Variants in ST7 observed in about 807,000 individuals in gnomAD.
ST7 encodes suppressor of tumorigenicity 7 protein.
In ST7, 28 loss-of-function variants were observed where a neutral mutation model predicts 78.7. The ratio of observed to expected loss-of-function variants is 0.36; its 90% confidence interval spans 0.26 to 0.49. ST7 has a LOEUF of 0.49. Among genes scored for constraint, ST7 ranks in the 20% least tolerant of loss-of-function variants. The pLI is 0.99. For missense variants in ST7, 418 were observed against 696.0 expected (o/e 0.60, Z 4.49); for synonymous variants, 247 against 249.6 (o/e 0.99, Z 0.10).
At chr7:117,188,725 A>G (rs1000785893) in intron 10 of ST7, among the ~76,000 whole-genome samples, 11 of 152,080 alleles carry the variant, frequency 7.2e-5, no homozygotes, top group Non-Finnish European at 1.5e-4. Context: ...TTTCATACAT[A>G]TACCCTTTAA....
intron 1 of ST7, chr7:116,972,675 T>G (rs751291980): frequency 1.7e-5 from 18 of 1,051,314 alleles, no homozygotes; most frequent in Non-Finnish European, 2.7e-5. Context: ...TTTTTTCCGC[T>G]TCTTCCAGCT....
intron 9 of ST7, among the ~76,000 whole-genome samples, chr7:117,159,524 T>C (rs1806965172): frequency 6.6e-6 from 1 of 152,222 alleles, no homozygotes. Context: ...CTATGCTAGA[T>C]AGTGAGCATG....
At chr7:117,038,627 C>CA (rs1797028356) in intron 1 of ST7, among the ~76,000 whole-genome samples, 1 of 152,142 alleles carries the variant, frequency 6.6e-6, no homozygotes, top group Admixed American at 6.5e-5. Flanking sequence ...ATGCTTAGTA[C>CA]AGTGCTCCAC....
intron 10 of ST7, among the ~76,000 whole-genome samples, chr7:117,188,593 G>A (rs1809474875): frequency 6.6e-6 from 1 of 152,000 alleles, no homozygotes; most frequent in Non-Finnish European, 1.5e-5. Flanking sequence ...CACCCACCCT[G>A]GCCCTTCTGA....
intron 15 of ST7, chr7:117,222,932 T>C (rs775270704): frequency 3.7e-6 from 6 of 1,614,000 alleles, no homozygotes; most frequent in Non-Finnish European, 4.2e-6. Context: ...GTGTTGAAGA[T>C]GAACTGGAAA....
intron 1 of ST7, among the ~76,000 whole-genome samples, chr7:117,069,564 A>C (rs958435894): frequency 6.6e-6 from 1 of 152,232 alleles, no homozygotes; most frequent in Admixed American, 6.5e-5. Flanking sequence ...GATGTCTAGC[A>C]AGAGACAATA....
At chr7:116,996,920 C>T (rs1047367663) in intron 1 of ST7, among the ~76,000 whole-genome samples, 3 of 152,184 alleles carry the variant, frequency 2.0e-5, no homozygotes, top group African/African-American at 4.8e-5. Flanking sequence ...ATCCCATACC[C>T]TATGACCTTC....
intron 1 of ST7, among the ~76,000 whole-genome samples, chr7:116,994,369 A>G (rs1050545835): frequency 6.6e-6 from 1 of 152,244 alleles, no homozygotes; most frequent in African/African-American, 2.4e-5. Flanking sequence ...TTAATAAATA[A>G]AAAATACTTC....
intron 12 of ST7, among the ~76,000 whole-genome samples, chr7:117,191,286 ATGT>A (rs966917291): frequency 6.6e-6 from 1 of 152,184 alleles, no homozygotes; most frequent in African/African-American, 2.4e-5. Context: ...CAGGAAATAA[ATGT>A]TGTTGTGAAT....
intron 1 of ST7, among the ~76,000 whole-genome samples, chr7:117,092,196 G>A (rs1190842581): frequency 1.4e-5 from 2 of 148,102 alleles, no homozygotes; most frequent in East Asian, 2.0e-4. Context: ...GGAGAATGGC[G>A]TGAACCCGGG....
intron 9 of ST7, among the ~76,000 whole-genome samples, chr7:117,170,253 C>A (rs1807887323): frequency 6.6e-6 from 1 of 152,058 alleles, no homozygotes; most frequent in African/African-American, 2.4e-5. Flanking sequence ...TTTATGAAAA[C>A]CTGTCTTTGA....
intron 15 of ST7, among the ~76,000 whole-genome samples, chr7:117,224,711 C>A (rs1793327720): frequency 6.6e-6 from 1 of 152,126 alleles, no homozygotes; most frequent in Non-Finnish European, 1.5e-5. Flanking sequence ...ACCAGAAATC[C>A]AAAATCTTGA....
chr7:117,189,892 C>A (rs1489419353), intron 11 of ST7, among the ~76,000 whole-genome samples: 1 of 152,116 alleles, frequency 6.6e-6, no homozygotes, highest in East Asian at 1.9e-4. Flanking sequence ...TTTGTTCAGG[C>A]AGGTGACTAT....
rs185492060 is a variant in ST7 at position 117,219,012 on chromosome 7, C to T, written c.1406-72C>T. 4.8e-5 allele frequency: 59 copies of T among 1,239,834 alleles called. No individual in the cohort carries two copies. Among genetic ancestry groups the T allele is most frequent in the Middle Eastern group, 2.4e-4 (1 of 4,172 alleles). 76.8% of individuals were successfully genotyped at this position (1,239,834 alleles called of 1,614,324 possible). On this transcript the variant is annotated intron_variant, in intron 13 of 15. Transcript: ENST00000323984. This position sits in a 1 kb window ranked among gnomAD's most constrained non-coding sequence, Gnocchi z 5.1. ...GTTCCCTGTTATAAAAATGCTCAAA[C>T]GCCCCTTTTTGCAGTTGGGAAGTTA...
At chr7:117,224,157 T>C (rs1793293894) in intron 15 of ST7, among the ~76,000 whole-genome samples, 1 of 152,348 alleles carries the variant, frequency 6.6e-6, no homozygotes, top group South Asian at 2.1e-4. Flanking sequence ...GAACTTTTCC[T>C]TGTACTGTAA....
In ST7 at chr7:117,020,317, A is replaced by G. The variant is rs1200134276; in HGVS notation, c.151+66626A>G. 9 of 445,564 alleles carry G rather than the reference A, an allele frequency of 2.0e-5. No homozygotes were observed. The South Asian group carries it at 3.4e-4, about 17-fold the overall frequency. 27.6% of individuals were successfully genotyped at this position (445,564 alleles called of 1,614,324 possible). A position where few individuals can be genotyped will look rare whatever the true frequency, so the allele number is the denominator to read the frequency against. ...ACCTAGTCCAGCCTCACCGCATCCC[A>G]GAAGAGGCACGTCGGCCTTCATTTG... On this transcript the variant is annotated intron_variant, in intron 1 of 15. Coordinates refer to ENST00000323984, the MANE Select transcript of ST7 (RefSeq NM_001369598.1).
intron 1 of ST7, among the ~76,000 whole-genome samples, chr7:117,044,781 C>G (rs1797406558): frequency 6.6e-6 from 1 of 152,202 alleles, no homozygotes; most frequent in Admixed American, 6.5e-5. Flanking sequence ...TCTCTAAACA[C>G]TGTGTATTTG....
At chr7:117,009,094 A>C (rs748992548) in intron 1 of ST7, among the ~76,000 whole-genome samples, 1 of 152,094 alleles carries the variant, frequency 6.6e-6, no homozygotes, top group Non-Finnish European at 1.5e-5. Context: ...ACTGTTTACT[A>C]TTTGGCCCTT....
chr7:116,967,414 G>A lies in ST7; in HGVS notation c.151+13723G>A, dbSNP rs1273694201. The stretch of plus-strand genomic sequence containing the variant: ...TCTCCCTGCCTTACCAGTTCCTATT[G>A]TGGACATTAAGGAGTGAATTTGGTC... On this transcript the variant is annotated intron_variant, in intron 1 of 15. Coordinates refer to ENST00000323984, the MANE Select transcript of ST7 (RefSeq NM_001369598.1). 4 of 471,130 alleles carry A rather than the reference G, an allele frequency of 8.5e-6. No homozygotes were observed. In the East Asian group the frequency reaches 2.8e-4, roughly 33 times the overall value. The allele number at this position is 471,130 out of a possible 1,614,324, so 29.2% of individuals were successfully genotyped here.
Sources: allele counts gnomAD v4.1 joint callset (sites outside exome capture counted in the v4.1 genomes callset), GRCh38; gene constraint gnomAD v4.1.1; non-coding constraint Gnocchi (gnomAD v3.1); transcripts MANE v1.5; gene names NCBI Gene and HGNC (gene_info 2026-07-23, HGNC 2026-07-21).